ACVR2B: variants seen among roughly 807,000 people sequenced by gnomAD.
ACVR2B encodes the protein activin receptor type-2B.
In ACVR2B, 18 loss-of-function variants were observed where a neutral mutation model predicts 65.1. The ratio of observed to expected loss-of-function variants is 0.28; its 90% CI spans 0.19 to 0.41. ACVR2B has a LOEUF of 0.41. Ranked by LOEUF, ACVR2B falls within the 10% of genes least tolerant of loss-of-function variation. The probability of loss-of-function intolerance (pLI) is 1.00; values close to 1 mark genes in which losing one functional copy is unlikely to be tolerated. For missense variants in ACVR2B, 482 were observed against 682.7 expected (o/e 0.71, Z 3.28); for synonymous variants, 298 against 277.7 (o/e 1.07, Z -0.73).
Position 38,487,046 on chromosome 3 carries a change from G to T in ACVR2B, c.*3714G>T, listed in dbSNP as rs928813. 65,004 of 152,376 alleles carry T rather than the reference G, an allele frequency of 0.43. 16,228 individuals carry two copies. The highest frequency in any genetic ancestry group is 0.57 in the Non-Finnish European group (39,056 of 68,210). The allele number at this position is 152,376 out of a possible 1,614,324, so 9.4% of individuals were successfully genotyped here. Reference sequence around the variant, plus strand: ...GGGGCAAGGGCTGCAAGTGGGCTGTGCTTAGGAGAAAGTGACACCTGGCAG... The same window carrying T: ...GGGGCAAGGGCTGCAAGTGGGCTGTTCTTAGGAGAAAGTGACACCTGGCAG... On this transcript the variant is annotated 3_prime_UTR_variant, in exon 11 of 11. Transcript: ENST00000352511.
At chr3:38,468,813 A>G (rs1318092688) in intron 1 of ACVR2B, among the ~76,000 whole-genome samples, 2 of 152,218 alleles carry the variant, frequency 1.3e-5, no homozygotes, top group Non-Finnish European at 2.9e-5. Flanking sequence ...TTGTTCTTAC[A>G]GGTTTATGCA....
chr3:38,491,824 G>C lies in ACVR2B; in HGVS notation c.*8492G>C, dbSNP rs747208009. The C allele has an allele frequency of 7.2e-5, 11 of 152,084 alleles. No homozygotes were observed. The highest frequency in any genetic ancestry group is 1.5e-4 in the Non-Finnish European group (10 of 68,034). The allele number at this position is 152,084 out of a possible 1,614,324, so 9.4% of individuals were successfully genotyped here. ...GAAAGTTGAGTGGTACTTCAGAATTGAGGGAGAGGGTTACCGCAGAGTAGA... is the reference window on the plus strand; with the variant it reads ...GAAAGTTGAGTGGTACTTCAGAATTCAGGGAGAGGGTTACCGCAGAGTAGA... On this transcript the variant is annotated 3_prime_UTR_variant, in exon 11 of 11. Coordinates refer to ENST00000352511, the MANE Select transcript of ACVR2B (RefSeq NM_001106.4).
Position 38,477,519 on chromosome 3 carries a change from C to G in ACVR2B, c.260+25C>G. On this transcript the variant is annotated intron_variant, in intron 2 of 10. Transcript: ENST00000352511. This position sits in a 1 kb window ranked among gnomAD's most constrained non-coding sequence, Gnocchi z 6.7. Reference sequence around the variant, plus strand: ...GGTACCCCAAGACTTGCCCTCCTTTCCTCTTGGACCCACCTGCGCTTATAC... The same window carrying G: ...GGTACCCCAAGACTTGCCCTCCTTTGCTCTTGGACCCACCTGCGCTTATAC... 1 of 1,608,734 alleles carries G rather than the reference C, an allele frequency of 6.2e-7. No individual in the cohort carries two copies. The highest frequency in any genetic ancestry group is 8.5e-7 in the Non-Finnish European group (1 of 1,177,506).
chr3:38,471,671 A>C (rs927455040), intron 1 of ACVR2B, among the ~76,000 whole-genome samples: 1 of 152,230 alleles, frequency 6.6e-6, no homozygotes, highest in Non-Finnish European at 1.5e-5. Context: ...GCAGCAGTAT[A>C]TAAAGAACAT....
At chr3:38,482,135 A>C in intron 8 of ACVR2B, 63 bp from the exon 9 acceptor site, 1 of 1,610,240 alleles carries the variant, frequency 6.2e-7, no homozygotes, top group Non-Finnish European at 8.5e-7. Context: ...TGTAACTCCC[A>C]TGTCCCAGCT....
At chr3:38,469,212 T>A (rs902060432) in intron 1 of ACVR2B, among the ~76,000 whole-genome samples, 1 of 152,164 alleles carries the variant, frequency 6.6e-6, no homozygotes, top group African/African-American at 2.4e-5. Context: ...CCTTTTAAAA[T>A]GCATATACAT....
At chr3:38,471,857 G>C (rs963928484) in intron 1 of ACVR2B, among the ~76,000 whole-genome samples, 1 of 152,210 alleles carries the variant, frequency 6.6e-6, no homozygotes, top group Admixed American at 6.5e-5. Context: ...TAGGACCTGG[G>C]ATGTAGTGTG....
In ACVR2B at chr3:38,479,109, C is replaced by G. The variant is rs1709968073; in HGVS notation, c.667-19C>G. The G allele has an allele frequency of 2.5e-6, 4 of 1,613,984 alleles. No homozygotes were observed. The highest frequency in any genetic ancestry group is 3.4e-6 in the Non-Finnish European group (4 of 1,179,992). On this transcript the variant is annotated intron_variant, in intron 5 of 10. Transcript: ENST00000352511. The stretch of plus-strand genomic sequence containing the variant: ...TAAGCCAGCCACTTGTCCCCCCAAC[C>G]CCTCGCCCCCGGCCTCAGGACAAGC...
intron 1 of ACVR2B, 45 bp downstream of exon 1, chr3:38,454,419 G>GCTGGCCT (rs1027127419): frequency 8.1e-7 from 1 of 1,233,750 alleles, no homozygotes; most frequent in African/African-American, 1.6e-5. Context: ...GGCGCGCGGG[G>GCTGGCCT]CTGGCCTCTG....
chr3:38,461,178 A>G (rs938218599), intron 1 of ACVR2B, among the ~76,000 whole-genome samples: 1 of 152,216 alleles, frequency 6.6e-6, no homozygotes, highest in African/African-American at 2.4e-5. Flanking sequence ...ATGAATGTCC[A>G]GTGCCATTGA....
rs1199115768 is a variant in ACVR2B at position 38,491,537 on chromosome 3, T to C, written c.*8205T>C. 1 of 152,592 alleles carries C rather than the reference T, an allele frequency of 6.6e-6. No individual in the cohort carries two copies. Among genetic ancestry groups the C allele is most frequent in the African/African-American group, 2.4e-5 (1 of 41,460 alleles). 9.5% of individuals were successfully genotyped at this position (152,592 alleles called of 1,614,324 possible). On this transcript the variant is annotated 3_prime_UTR_variant, in exon 11 of 11. Transcript: ENST00000352511. ...GTTAAGTGTGTGTTTAGCCAAATAA[T>C]TTCTCCGTAAGGGAAAAATGCAGTC...
In ACVR2B at chr3:38,482,108, A is replaced by G. The variant is rs1178177019; in HGVS notation, c.1075-90A>G. The G allele has an allele frequency of 4.4e-6, 7 of 1,582,856 alleles. No homozygotes were observed. In the Admixed American group the frequency reaches 6.7e-5, roughly 15 times the overall value. On this transcript the variant is annotated intron_variant, in intron 8 of 10. Coordinates refer to ENST00000352511, the MANE Select transcript of ACVR2B (RefSeq NM_001106.4). ...TCTGAATTGCTCTGTCTTGCCCGCC[A>G]TCTGGTGCACAGAGGCTGTAACTCC...
At chr3:38,469,129 T>C (rs1370745844) in intron 1 of ACVR2B, among the ~76,000 whole-genome samples, 1 of 152,212 alleles carries the variant, frequency 6.6e-6, no homozygotes, top group Non-Finnish European at 1.5e-5. Flanking sequence ...ATTTCTGGCA[T>C]TTGTAGTGAA....
rs1250515265 is a variant in ACVR2B at position 38,479,753 on chromosome 3, C to T, written c.886C>T (p.Arg296Ter). 1.2e-6 allele frequency: 2 copies of T among 1,614,224 alleles called. No homozygotes were observed. The highest frequency in any genetic ancestry group is 1.7e-6 in the Non-Finnish European group (2 of 1,180,032). ...GTGTCATGTAGCAGAGACGATGTCA[C>T]GAGGCCTCTCATACCTGCATGAGGA... ...ELCHVAETMS[R>*]GLSYLHEDVP... Residue 296 changes from arginine (R) to a stop codon, truncating the protein, a stop_gained, in exon 7 of 11, where the codon CGA (arginine) becomes TGA (stop). Coordinates refer to ENST00000352511, the MANE Select transcript of ACVR2B (RefSeq NM_001106.4). LOFTEE classifies it high-confidence loss of function.
chr3:38,474,567 T>C (rs1187448208), intron 1 of ACVR2B: 1 of 152,266 alleles, frequency 6.6e-6, no homozygotes, highest in Admixed American at 6.5e-5. Flanking sequence ...TTGTCGGCTT[T>C]CCAGTCTTGT....
At chr3:38,466,799 G>A (rs1046172327) in intron 1 of ACVR2B, among the ~76,000 whole-genome samples, 12 of 152,162 alleles carry the variant, frequency 7.9e-5, no homozygotes, top group Admixed American at 1.3e-4. Context: ...CACCACGCCC[G>A]GCCTACAAAA....
chr3:38,458,326 C>T (rs1428708923), intron 1 of ACVR2B, among the ~76,000 whole-genome samples: 1 of 152,178 alleles, frequency 6.6e-6, no homozygotes, highest in African/African-American at 2.4e-5. Context: ...GTGGACCCTT[C>T]CTCCAGGAAA....
At chr3:38,468,739 T>G (rs1709773102) in intron 1 of ACVR2B, among the ~76,000 whole-genome samples, 1 of 152,234 alleles carries the variant, frequency 6.6e-6, no homozygotes, top group Non-Finnish European at 1.5e-5. Context: ...GTGTGATCAG[T>G]TACCATGTGT....
chr3:38,458,735 G>A (rs896268261), intron 1 of ACVR2B, among the ~76,000 whole-genome samples: 8 of 152,196 alleles, frequency 5.3e-5, no homozygotes, highest in Non-Finnish European at 8.8e-5. Flanking sequence ...ATTGGGATCT[G>A]GAGGGTTGAG....
Sources: gnomAD v4.1 joint callset for allele counts (sites outside exome capture counted in the v4.1 genomes callset) on GRCh38, gnomAD v4.1.1 for gene constraint, Gnocchi (gnomAD v3.1) non-coding constraint, MANE v1.5 for transcripts, NCBI Gene and HGNC (gene_info 2026-07-23, HGNC 2026-07-21) for gene names.